The following COL19A1 variants were observed in gnomAD, a reference collection of about 807,000 sequenced individuals.
COL19A1 encodes collagen alpha-1(XIX) chain.
Under a neutral mutation model 190.2 loss-of-function variants are expected in COL19A1, and 159 were observed. That is an observed-to-expected ratio of 0.84 (90% CI 0.73 to 0.95). The LOEUF (loss-of-function observed/expected upper bound fraction) is 0.95. Among genes scored for constraint, COL19A1 ranks in the 40% least tolerant of loss-of-function variants. COL19A1 has a pLI of 0.00. For synonymous variants in COL19A1, 509 were observed against 458.9 expected, an observed-to-expected ratio of 1.11 and a Z score of -1.39; for missense variants, 1,418 against 1,431.9, an observed-to-expected ratio of 0.99 and a Z score of 0.16.
intron 11 of COL19A1, among the ~76,000 whole-genome samples, chr6:69,993,353 G>T (rs1776728269): frequency 6.6e-6 from 1 of 152,076 alleles, no homozygotes; most frequent in South Asian, 2.1e-4. Flanking sequence ...GTTGGATTTG[G>T]TTTGCTAATA....
At position 70,211,069 on chromosome 6, in the gene COL19A1, A is replaced by G. The variant is rs1002112960; in HGVS notation, c.*3795A>G. ...ATACTCTCAACAGACAAGAAAAAAG[A>G]TTTAGCTTATCACAAGAAGCAGACA... is the stretch of plus-strand genomic sequence containing the variant. On this transcript the variant is annotated 3_prime_UTR_variant, in exon 51 of 51. Transcript: ENST00000620364. Among the ~76,000 whole-genome samples, 2 of 152,148 alleles carry G rather than the reference A, an allele frequency of 1.3e-5. No individual in the cohort carries two copies. Among genetic ancestry groups the G allele is most frequent in the African/African-American group, 4.8e-5 (2 of 41,446 alleles).
At position 69,943,412 on chromosome 6, in the gene COL19A1, A is replaced by G. The variant is rs76829287; in HGVS notation, c.936+5312A>G. ...CTGTACAAAAGCTTTTTATTGCAATATGGTCCCATTTGTCTATTTTTGCTT... is the reference window on the plus strand; with the variant it reads ...CTGTACAAAAGCTTTTTATTGCAATGTGGTCCCATTTGTCTATTTTTGCTT... On this transcript the variant is annotated intron_variant, in intron 9 of 50. Coordinates refer to ENST00000620364, the MANE Select transcript of COL19A1 (RefSeq NM_001858.6). 5.5e-3 allele frequency among the ~76,000 whole-genome samples: 829 copies of G among 152,094 alleles called. 17 individuals are homozygous for G. In the East Asian group the frequency reaches 0.068, roughly 12 times the overall value.
At chr6:69,900,384 T>G (rs1770103132) in intron 4 of COL19A1, 46 bp downstream of exon 4, 4 of 1,021,384 alleles carry the variant, frequency 3.9e-6, no homozygotes, top group South Asian at 1.9e-5. Context: ...ACTTCATAAA[T>G]TATTTTCTAA....
chr6:70,133,951 G>C (rs1303055367), intron 18 of COL19A1, among the ~76,000 whole-genome samples: 1 of 152,178 alleles, frequency 6.6e-6, no homozygotes, highest in African/African-American at 2.4e-5. Context: ...TTTACCTGTA[G>C]AGCAGCTATG....
At chr6:69,880,826 G>A (rs570836981) in intron 2 of COL19A1, among the ~76,000 whole-genome samples, 5 of 152,306 alleles carry the variant, frequency 3.3e-5, no homozygotes, top group African/African-American at 9.6e-5. Flanking sequence ...GAAAAGAGAT[G>A]TTAGAGCAGC....
chr6:70,148,417 G>A (rs1049562248), intron 27 of COL19A1, among the ~76,000 whole-genome samples: 12 of 152,092 alleles, frequency 7.9e-5, no homozygotes, highest in Admixed American at 2.6e-4. Flanking sequence ...AGGAATTTAC[G>A]AGGGTTTTAG....
intron 4 of COL19A1, among the ~76,000 whole-genome samples, chr6:69,922,706 C>T (rs1198786033): frequency 6.6e-6 from 1 of 152,056 alleles, no homozygotes; most frequent in Non-Finnish European, 1.5e-5. Flanking sequence ...GTCTCAAACT[C>T]CTGACCTCAA....
intron 1 of COL19A1, among the ~76,000 whole-genome samples, chr6:69,877,263 T>G (rs1768185095): frequency 1.3e-5 from 2 of 152,230 alleles, no homozygotes; most frequent in African/African-American, 4.8e-5. Flanking sequence ...CACTTGCAAT[T>G]TATTTCCACA....
chr6:70,001,634 G>A (rs952438226), intron 11 of COL19A1, among the ~76,000 whole-genome samples: 1 of 152,102 alleles, frequency 6.6e-6, no homozygotes, highest in African/African-American at 2.4e-5. Context: ...TAACGATTGT[G>A]AATGGGAGTT....
In COL19A1 at chr6:70,106,329, C is replaced by CATGTGTGT. The variant is rs59608953; in HGVS notation, c.1278+4107_1278+4108insATGTGTGT. On this transcript the variant is annotated intron_variant, in intron 16 of 50. Coordinates refer to ENST00000620364, the MANE Select transcript of COL19A1 (RefSeq NM_001858.6). ...TTTCTGACAAATAGCTAAGTGTGTGCGTGTGTGTGTGTGTGTGTGTGTGTG... is the reference window on the plus strand; with the variant it reads ...TTTCTGACAAATAGCTAAGTGTGTGCATGTGTGTGTGTGTGTGTGTGTGTGTGTGTGTG... 4.0e-3 allele frequency among the ~76,000 whole-genome samples: 591 copies of CATGTGTGT among 149,436 alleles called. 1 individual carries two copies. Among genetic ancestry groups the CATGTGTGT allele is most frequent in the African/African-American group, 0.01 (418 of 40,712 alleles).
At position 70,207,336 on chromosome 6, in the gene COL19A1, C is replaced by T. The variant is rs1481355488; in HGVS notation, c.*62C>T. 1.2e-5 allele frequency: 16 copies of T among 1,354,762 alleles called. No homozygotes were observed. The highest frequency in any genetic ancestry group is 1.6e-5 in the Non-Finnish European group (16 of 1,015,286). 83.9% of individuals were successfully genotyped at this position (1,354,762 alleles called of 1,614,324 possible). A position where few individuals can be genotyped will look rare whatever the true frequency, so the allele number is the denominator to read the frequency against. On this transcript the variant is annotated 3_prime_UTR_variant, in exon 51 of 51. Coordinates refer to ENST00000620364, the MANE Select transcript of COL19A1 (RefSeq NM_001858.6). ...CCTTGCCACTGGAGCTCTCTTAATA[C>T]CGTCAAACCCTCATCATCTGTGGGT...
At chr6:70,054,517 T>A (rs1431525587) in intron 14 of COL19A1, among the ~76,000 whole-genome samples, 1 of 152,196 alleles carries the variant, frequency 6.6e-6, no homozygotes, top group Non-Finnish European at 1.5e-5. Context: ...ATTAGGGCAA[T>A]TCCTTACTAT....
At chr6:70,022,820 A>G (rs756725210) in intron 11 of COL19A1, among the ~76,000 whole-genome samples, 11 of 152,216 alleles carry the variant, frequency 7.2e-5, no homozygotes, top group Non-Finnish European at 1.5e-4. Flanking sequence ...CGTTGTCTCT[A>G]TATCATTAAC....
intron 44 of COL19A1, among the ~76,000 whole-genome samples, chr6:70,183,797 A>G (rs76258532): frequency 6.6e-6 from 1 of 152,216 alleles, no homozygotes; most frequent in Admixed American, 6.5e-5. Context: ...TTCCAGCACA[A>G]TAAAAGTCCC....
chr6:70,183,713 A>G (rs1361602143), intron 44 of COL19A1, among the ~76,000 whole-genome samples: 1 of 152,204 alleles, frequency 6.6e-6, no homozygotes, highest in Non-Finnish European at 1.5e-5. Context: ...TGGGTTGTCA[A>G]CTGTGACAGA....
chr6:69,935,918 A>G (rs1237751973), intron 7 of COL19A1, among the ~76,000 whole-genome samples: 1 of 152,122 alleles, frequency 6.6e-6, no homozygotes, highest in African/African-American at 2.4e-5. Context: ...TTTCAACCAC[A>G]GTAGAAAACC....
chr6:70,016,384 AC>A lies in COL19A1; in HGVS notation c.1027-7242del, dbSNP rs779607285. On this transcript the variant is annotated intron_variant, in intron 11 of 50. Transcript: ENST00000620364. Reference sequence around the variant, plus strand: ...AGTATAATAAAAAAAAAAAAAAAAAACACATGAAAAAAAAAAAACAAAACAA... The same window carrying A: ...AGTATAATAAAAAAAAAAAAAAAAAAACATGAAAAAAAAAAAACAAAACAA... Among the ~76,000 whole-genome samples the A allele has an allele frequency of 4.1e-4, 50 of 122,594 alleles. 1 individual carries two copies. The highest frequency in any genetic ancestry group is 5.1e-4 in the East Asian group (2 of 3,952). 80.4% of individuals were successfully genotyped at this position (122,594 alleles called of 152,430 possible). A position where few individuals can be genotyped will look rare whatever the true frequency, so the allele number is the denominator to read the frequency against.
At chr6:70,088,150 T>A (rs1418255235) in intron 15 of COL19A1, among the ~76,000 whole-genome samples, 1 of 152,156 alleles carries the variant, frequency 6.6e-6, no homozygotes, top group Admixed American at 6.6e-5. Context: ...CCCTCCAGAA[T>A]TTATAGTCTA....
intron 15 of COL19A1, among the ~76,000 whole-genome samples, chr6:70,098,077 G>C (rs570626087): frequency 6.6e-6 from 1 of 152,222 alleles, no homozygotes; most frequent in Non-Finnish European, 1.5e-5. Context: ...TTGGCATCAG[G>C]AGCCTTCTTC....
Sources: gnomAD v4.1 joint callset for allele counts (sites outside exome capture counted in the v4.1 genomes callset) on GRCh38, gnomAD v4.1.1 for gene constraint, MANE v1.5 for transcripts, NCBI Gene and HGNC (gene_info 2026-07-23, HGNC 2026-07-21) for gene names.